Variants in WWOX observed in about 807,000 individuals in gnomAD.
The protein encoded by WWOX is WW domain-containing oxidoreductase.
Under a neutral mutation model 46.2 loss-of-function variants are expected in WWOX, and 69 were observed. The observed-to-expected ratio is 1.49, with a 90% CI of 1.23 to 1.82. WWOX has a LOEUF of 1.82. WWOX is among the 40% of genes most tolerant of loss of function. The probability of loss-of-function intolerance (pLI) is 0.00; values close to 1 mark genes in which losing one functional copy is unlikely to be tolerated. For synonymous variants in WWOX, 359 were observed against 202.6 expected, an observed-to-expected ratio of 1.77 and a Z score of -6.56; for missense variants, 919 against 542.6, an observed-to-expected ratio of 1.69 and a Z score of -6.89.
At chr16:78,821,368 A>G (rs781359362) in intron 8 of WWOX, among the ~76,000 whole-genome samples, 1 of 152,130 alleles carries the variant, frequency 6.6e-6, no homozygotes, top group Admixed American at 6.5e-5. Flanking sequence ...CAACAGGTGT[A>G]TGTGGCCTCT....
At chr16:79,111,725 C>T (rs1273217111) in intron 8 of WWOX, among the ~76,000 whole-genome samples, 1 of 152,120 alleles carries the variant, frequency 6.6e-6, no homozygotes, top group Non-Finnish European at 1.5e-5. Context: ...ATCAGGAGGT[C>T]ACAGTGACAA....
At chr16:78,714,064 A>G (rs1001091237) in intron 8 of WWOX, among the ~76,000 whole-genome samples, 1 of 152,214 alleles carries the variant, frequency 6.6e-6, no homozygotes, top group Non-Finnish European at 1.5e-5. Context: ...ATGATGACTT[A>G]AAGAGACTGA....
At chr16:78,461,104 G>C (rs532866419) in intron 8 of WWOX, among the ~76,000 whole-genome samples, 1 of 152,212 alleles carries the variant, frequency 6.6e-6, no homozygotes, top group Non-Finnish European at 1.5e-5. Flanking sequence ...CATAACAAAA[G>C]TGCAGAATTC....
At chr16:78,705,578 G>T (rs1240056623) in intron 8 of WWOX, among the ~76,000 whole-genome samples, 1 of 152,186 alleles carries the variant, frequency 6.6e-6, no homozygotes, top group South Asian at 2.1e-4. Context: ...TAAAAATTCT[G>T]GGAGGGTTTC....
At chr16:78,490,682 A>G (rs1335260075) in intron 8 of WWOX, among the ~76,000 whole-genome samples, 1 of 152,116 alleles carries the variant, frequency 6.6e-6, no homozygotes, top group Non-Finnish European at 1.5e-5. Context: ...ATGTTGAACC[A>G]TTTGGCCCTC....
Position 78,572,822 on chromosome 16 carries a change from C to T in WWOX, c.1056+140070C>T, listed in dbSNP as rs553241264. ...GGAGGAAAACAGAATGGTGCCATGG[C>T]GAGAGATACACAGGGGAGGTATTGG... is the stretch of plus-strand genomic sequence containing the variant. On this transcript the variant is annotated intron_variant, in intron 8 of 8. Coordinates refer to ENST00000566780, the MANE Select transcript of WWOX (RefSeq NM_016373.4). Among the ~76,000 whole-genome samples the T allele has an allele frequency of 5.9e-5, 9 of 151,860 alleles. 1 individual carries two copies. The highest frequency in any genetic ancestry group is 3.9e-4 in the East Asian group (2 of 5,156).
intron 8 of WWOX, among the ~76,000 whole-genome samples, chr16:78,979,149 G>A (rs1051059133): frequency 1.3e-5 from 2 of 150,216 alleles, no homozygotes; most frequent in Admixed American, 1.3e-4. Flanking sequence ...TATCACTTGG[G>A]TCTTATCTTG....
chr16:78,796,035 T>A (rs1332287684), intron 8 of WWOX, among the ~76,000 whole-genome samples: 1 of 152,214 alleles, frequency 6.6e-6, no homozygotes, highest in Non-Finnish European at 1.5e-5. Context: ...TTTGTGGCAA[T>A]ATTTGCTCAA....
intron 8 of WWOX, among the ~76,000 whole-genome samples, chr16:78,905,841 G>C (rs930435360): frequency 6.6e-6 from 1 of 152,146 alleles, no homozygotes; most frequent in African/African-American, 2.4e-5. Flanking sequence ...AATGCTAGTT[G>C]CATCAAACAC....
chr16:78,601,826 C>T (rs1419775847), intron 8 of WWOX, among the ~76,000 whole-genome samples: 1 of 152,024 alleles, frequency 6.6e-6, no homozygotes, highest in Non-Finnish European at 1.5e-5. Flanking sequence ...GACATTCCAA[C>T]TGGGAATATT....
At chr16:78,637,226 A>T (rs1317517027) in intron 8 of WWOX, among the ~76,000 whole-genome samples, 3 of 152,146 alleles carry the variant, frequency 2.0e-5, no homozygotes, top group Non-Finnish European at 4.4e-5. Flanking sequence ...GTTTGAGACC[A>T]GCCTGGGCAA....
chr16:78,544,850 G>T (rs2043988586), intron 8 of WWOX, among the ~76,000 whole-genome samples: 1 of 152,078 alleles, frequency 6.6e-6, no homozygotes, highest in South Asian at 2.1e-4. Flanking sequence ...ACTCTAGCAT[G>T]CGTGACAGAG....
At chr16:78,838,533 A>T (rs1314635191) in intron 8 of WWOX, among the ~76,000 whole-genome samples, 1 of 152,198 alleles carries the variant, frequency 6.6e-6, no homozygotes, top group Non-Finnish European at 1.5e-5. Flanking sequence ...TCTTGAAATT[A>T]GAAAATTATA....
At chr16:79,017,845 C>G (rs1467407378) in intron 8 of WWOX, among the ~76,000 whole-genome samples, 5 of 152,086 alleles carry the variant, frequency 3.3e-5, no homozygotes, top group Non-Finnish European at 5.9e-5. Flanking sequence ...CATAAACAGG[C>G]TGGTGGGCTG....
intron 8 of WWOX, chr16:78,551,126 A>G (rs2151542921): frequency 6.6e-6 from 1 of 152,336 alleles, no homozygotes; most frequent in South Asian, 2.1e-4. Flanking sequence ...TCCATGAAAC[A>G]GATATCCAGT....
At position 78,945,407 on chromosome 16, in the gene WWOX, A is replaced by G. The variant is rs1017702364; in HGVS notation, c.1057-266201A>G. 3.3e-5 allele frequency among the ~76,000 whole-genome samples: 5 copies of G among 152,318 alleles called. 2 individuals carry two copies. Among genetic ancestry groups the G allele is most frequent in the Admixed American group, 2.6e-4 (4 of 15,302 alleles). On this transcript the variant is annotated intron_variant, in intron 8 of 8. Coordinates refer to ENST00000566780, the MANE Select transcript of WWOX (RefSeq NM_016373.4). ...TGAAATCCACCCTTAGTTTTAATGC[A>G]TCTAAAGTCTCTGTATCAAAAAGAT...
chr16:78,587,501 G>A (rs376170430), intron 8 of WWOX, among the ~76,000 whole-genome samples: 7 of 152,054 alleles, frequency 4.6e-5, no homozygotes, highest in Non-Finnish European at 8.8e-5. Flanking sequence ...TTCAAGATAA[G>A]TGTCTTATTG....
At chr16:78,511,898 C>T (rs1352003319) in intron 8 of WWOX, among the ~76,000 whole-genome samples, 8 of 152,272 alleles carry the variant, frequency 5.3e-5, no homozygotes, top group East Asian at 1.9e-4. Flanking sequence ...TGACATTATC[C>T]GTTTACTGCT....
At chr16:78,784,935 C>T (rs748775645) in intron 8 of WWOX, among the ~76,000 whole-genome samples, 2 of 152,086 alleles carry the variant, frequency 1.3e-5, no homozygotes, top group African/African-American at 4.8e-5. Context: ...TACGAGGAAG[C>T]GAGGTGTCCC....
Sources: gnomAD v4.1 joint callset for allele counts (sites outside exome capture counted in the v4.1 genomes callset) on GRCh38, gnomAD v4.1.1 for gene constraint, MANE v1.5 for transcripts, NCBI Gene and HGNC (gene_info 2026-07-23, HGNC 2026-07-21) for gene names.